SIL1: variants seen among roughly 807,000 people sequenced by gnomAD.
The protein encoded by SIL1 is SIL1 nucleotide exchange factor.
Under a neutral mutation model 49.1 loss-of-function variants are expected in SIL1, and 40 were observed. That is an observed-to-expected ratio of 0.81 (90% CI 0.63 to 1.06). The LOEUF (loss-of-function observed/expected upper bound fraction) is 1.06, where lower values mean the gene tolerates loss of function less well. SIL1 is among the 50% of genes least tolerant of loss of function. The pLI is 0.00. For missense variants in SIL1, 500 were observed against 572.6 expected (o/e 0.87, Z 1.29); for synonymous variants, 253 against 250.8 (o/e 1.01, Z -0.08).
intron 1 of SIL1, among the ~76,000 whole-genome samples, chr5:139,151,445 C>T (rs1037474291): frequency 1.3e-5 from 2 of 152,206 alleles, no homozygotes; most frequent in African/African-American, 4.8e-5. Flanking sequence ...ACTTTAACAA[C>T]ACCTCCTGTT....
At chr5:139,045,325 G>A (rs1276219598) in intron 4 of SIL1, among the ~76,000 whole-genome samples, 1 of 152,110 alleles carries the variant, frequency 6.6e-6, no homozygotes, top group African/African-American at 2.4e-5. Flanking sequence ...TCCAGTCTGG[G>A]CGACAAAGCA....
chr5:139,111,273 C>T (rs941322026), intron 3 of SIL1, among the ~76,000 whole-genome samples: 3 of 152,202 alleles, frequency 2.0e-5, no homozygotes, highest in African/African-American at 7.2e-5. Context: ...TATATCCCTA[C>T]CACCTTTCTG....
intron 1 of SIL1, among the ~76,000 whole-genome samples, chr5:139,156,400 TA>T (rs553781309): frequency 1.9e-4 from 22 of 117,698 alleles, no homozygotes; most frequent in African/African-American, 3.3e-4. Context: ...GTTACCTTAT[TA>T]AAAAAAAAAG....
chr5:138,947,391 G>C lies in SIL1; in HGVS notation c.1112C>G (p.Pro371Arg). The C allele has an allele frequency of 2.5e-6, 4 of 1,613,716 alleles. No individual in the cohort carries two copies. In the South Asian group the frequency reaches 4.4e-5, roughly 18 times the overall value. The change falls in exon 10 of 10, where the codon CCA (proline) becomes CGA (arginine). Residue 371 changes from proline (P) to arginine (R), a missense_variant. By Grantham distance (103) the Pro-to-Arg change is moderately radical. Coordinates refer to ENST00000394817, the MANE Select transcript of SIL1 (RefSeq NM_022464.5). The surrounding 1 kb of genome is among the most constrained non-coding windows in gnomAD (Gnocchi z 4.1). The part of the protein sequence containing the change: ...LQQYRQVHLL[P>R]GLWEQGWCEI... ...GCACCAGCCCTGTTCCCACAGGCCT[G>C]GCAGGAGGTGTACCTGGCGATACTG...
At chr5:138,997,976 C>T (rs1767907000) in intron 7 of SIL1, among the ~76,000 whole-genome samples, 1 of 152,112 alleles carries the variant, frequency 6.6e-6, no homozygotes, top group African/African-American at 2.4e-5. Context: ...TTAGAATCGT[C>T]TCTTTTATTT....
chr5:139,177,580 C>T (rs1438222619), intron 1 of SIL1, among the ~76,000 whole-genome samples: 1 of 152,040 alleles, frequency 6.6e-6, no homozygotes, highest in Non-Finnish European at 1.5e-5. Flanking sequence ...AGTCCAAGGG[C>T]CAAGCTCCTA....
At chr5:139,178,976 A>C (rs1751934666) in intron 1 of SIL1, among the ~76,000 whole-genome samples, 1 of 152,194 alleles carries the variant, frequency 6.6e-6, no homozygotes, top group South Asian at 2.1e-4. Flanking sequence ...CATGACCTTA[A>C]GCCAAACAAT....
intron 7 of SIL1, among the ~76,000 whole-genome samples, chr5:138,990,778 C>T (rs1198847709): frequency 3.3e-5 from 5 of 152,178 alleles, no homozygotes; most frequent in East Asian, 3.9e-4. Flanking sequence ...TCCAGTGGCG[C>T]GATCTCGGCT....
At chr5:138,998,852 C>CTTTTT (rs35074969) in intron 7 of SIL1, among the ~76,000 whole-genome samples, 9 of 98,770 alleles carry the variant, frequency 9.1e-5, no homozygotes, top group African/African-American at 1.7e-4. Flanking sequence ...ATTATCTTTC[C>CTTTTT]TTTTTTTTTT....
intron 3 of SIL1, among the ~76,000 whole-genome samples, chr5:139,089,967 C>A (rs900209782): frequency 6.6e-6 from 1 of 152,130 alleles, no homozygotes; most frequent in Non-Finnish European, 1.5e-5. Context: ...ATAAATTTAA[C>A]CTCAATGTAA....
intron 7 of SIL1, among the ~76,000 whole-genome samples, chr5:138,977,107 C>T (rs1399773671): frequency 6.6e-6 from 1 of 152,204 alleles, no homozygotes; most frequent in Admixed American, 6.5e-5. Context: ...CAGGATTGCT[C>T]TACTCGTCTC....
intron 2 of SIL1, among the ~76,000 whole-genome samples, chr5:139,124,134 G>C (rs1750709277): frequency 6.6e-6 from 1 of 152,216 alleles, no homozygotes; most frequent in Non-Finnish European, 1.5e-5. Context: ...AAGAGAAGCA[G>C]AAAGGGGTAA....
At chr5:138,964,896 C>A (rs2150387779) in intron 7 of SIL1, among the ~76,000 whole-genome samples, 1 of 152,358 alleles carries the variant, frequency 6.6e-6, no homozygotes, top group South Asian at 2.1e-4. Context: ...ATGTGACTTG[C>A]ACACGCCATG....
At chr5:139,111,277 C>A (rs1207322111) in intron 3 of SIL1, among the ~76,000 whole-genome samples, 1 of 152,194 alleles carries the variant, frequency 6.6e-6, no homozygotes, top group East Asian at 1.9e-4. Flanking sequence ...TCCCTACCAC[C>A]TTTCTGTGTC....
At chr5:139,000,316 A>G (rs1178613106) in intron 7 of SIL1, among the ~76,000 whole-genome samples, 1 of 152,186 alleles carries the variant, frequency 6.6e-6, no homozygotes, top group Non-Finnish European at 1.5e-5. Flanking sequence ...ACCCAAGGCA[A>G]TTTTAAACAT....
chr5:139,128,327 C>T (rs902844648), intron 1 of SIL1, among the ~76,000 whole-genome samples: 2 of 152,118 alleles, frequency 1.3e-5, no homozygotes, highest in African/African-American at 4.8e-5. Flanking sequence ...ATTCCCAAGT[C>T]ACAAAACCTC....
chr5:138,971,534 C>T (rs1011116439), intron 7 of SIL1, among the ~76,000 whole-genome samples: 2 of 152,172 alleles, frequency 1.3e-5, no homozygotes, highest in African/African-American at 4.8e-5. Flanking sequence ...CACCAACTAA[C>T]TTGAATCTTC....
At chr5:138,987,846 ATTTT>A (rs2150403568) in intron 7 of SIL1, among the ~76,000 whole-genome samples, 1 of 152,194 alleles carries the variant, frequency 6.6e-6, no homozygotes, top group East Asian at 1.9e-4. Flanking sequence ...TGAGCTTTTT[ATTTT>A]TTGAGACAAG....
At chr5:138,973,201 T>TAAAAAAA (rs5871690) in intron 7 of SIL1, among the ~76,000 whole-genome samples, 1 of 105,374 alleles carries the variant, frequency 9.5e-6, no homozygotes, top group Non-Finnish European at 1.9e-5. Context: ...TTGAAGTATT[T>TAAAAAAA]AAAAAAAAAA....
Sources: allele counts gnomAD v4.1 joint callset (sites outside exome capture counted in the v4.1 genomes callset), GRCh38; gene constraint gnomAD v4.1.1; non-coding constraint Gnocchi (gnomAD v3.1); transcripts MANE v1.5; gene names NCBI Gene and HGNC (gene_info 2026-07-23, HGNC 2026-07-21).